Variants in C6 observed in about 807,000 individuals in gnomAD.
C6 encodes the protein complement C6.
Under a neutral mutation model 112.9 loss-of-function variants are expected in C6, and 101 were observed. The observed-to-expected ratio is 0.89, with a 90% CI of 0.76 to 1.06. The LOEUF (loss-of-function observed/expected upper bound fraction) is 1.06. C6 is among the 50% of genes least tolerant of loss of function. C6 has a pLI of 0.00. For missense variants in C6, 1,202 were observed against 1,104.6 expected, an observed-to-expected ratio of 1.09 and a Z score of -1.25; for synonymous variants, 431 against 384.1, an observed-to-expected ratio of 1.12 and a Z score of -1.43.
At chr5:41,255,131 G>A (rs933925926) in intron 1 of C6, among the ~76,000 whole-genome samples, 1 of 152,110 alleles carries the variant, frequency 6.6e-6, no homozygotes, top group Non-Finnish European at 1.5e-5. Flanking sequence ...GGAGGCCAAG[G>A]TGGGCAGATC....
intron 17 of C6, among the ~76,000 whole-genome samples, chr5:41,145,564 C>T (rs1027933323): frequency 6.6e-5 from 10 of 152,126 alleles, no homozygotes; most frequent in African/African-American, 2.2e-4. Flanking sequence ...AGGCAGACAT[C>T]GATTCTTTCC....
At chr5:41,204,177 T>C (rs1364501036) in intron 1 of C6, among the ~76,000 whole-genome samples, 2 of 152,248 alleles carry the variant, frequency 1.3e-5, no homozygotes, top group East Asian at 1.9e-4. Context: ...TAACTTTTAC[T>C]TTAAAAAGTT....
intron 1 of C6, among the ~76,000 whole-genome samples, chr5:41,248,870 C>A (rs1741175080): frequency 6.6e-6 from 1 of 152,056 alleles, no homozygotes; most frequent in Admixed American, 6.6e-5. Context: ...CATGTACTCA[C>A]ATGTTTGTTG....
chr5:41,257,063 T>C (rs1007061650), intron 1 of C6, among the ~76,000 whole-genome samples: 4 of 152,202 alleles, frequency 2.6e-5, no homozygotes, highest in African/African-American at 4.8e-5. Flanking sequence ...AGTGATTACA[T>C]GTTCAGGTTT....
rs7447835 is a variant in C6, at chr5:41,204,664, T to C, written c.-20-1414A>G. ...CTTGTTAATAAATCAGTAAGCTTTT[T>C]TTTTTCTTTTTTTTTTTTTTTTTGA... On this transcript the variant is annotated intron_variant, in intron 1 of 17. Coordinates refer to ENST00000337836, the MANE Select transcript of C6 (RefSeq NM_000065.5). Among the ~76,000 whole-genome samples the C allele has an allele frequency of 3.4e-3, 508 of 148,240 alleles. 1 individual carries two copies. The highest frequency in any genetic ancestry group is 0.012 in the African/African-American group (454 of 39,172).
At chr5:41,161,169 T>A (rs1322909922) in intron 10 of C6, among the ~76,000 whole-genome samples, 1 of 152,146 alleles carries the variant, frequency 6.6e-6, no homozygotes, top group African/African-American at 2.4e-5. Context: ...GGAAAACAGG[T>A]TCTAAATGGC....
chr5:41,198,546 C>T (rs1750779357), intron 4 of C6, among the ~76,000 whole-genome samples: 1 of 152,090 alleles, frequency 6.6e-6, no homozygotes, highest in Admixed American at 6.5e-5. Flanking sequence ...GCTTAACAAC[C>T]ATTACAGACA....
At chr5:41,226,794 G>T (rs1739537679) in intron 1 of C6, among the ~76,000 whole-genome samples, 1 of 151,916 alleles carries the variant, frequency 6.6e-6, no homozygotes, top group Admixed American at 6.6e-5. Flanking sequence ...ATTTCCTCAT[G>T]TTTTAAGGCT....
At chr5:41,226,088 C>A (rs1256860973) in intron 1 of C6, among the ~76,000 whole-genome samples, 2 of 152,048 alleles carry the variant, frequency 1.3e-5, no homozygotes, top group Admixed American at 6.6e-5. Flanking sequence ...CAACAAAAGC[C>A]AAAATTGACA....
At chr5:41,203,569 CA>C in intron 1 of C6, 31 of 302,904 alleles carry the variant, frequency 1.0e-4, no homozygotes, top group Admixed American at 2.2e-4. Context: ...TAGATTTATA[CA>C]GTCTTACCCT....
chr5:41,230,219 A>G (rs1238695063), intron 1 of C6, among the ~76,000 whole-genome samples: 1 of 152,162 alleles, frequency 6.6e-6, no homozygotes, highest in Non-Finnish European at 1.5e-5. Flanking sequence ...AAAGAACAGC[A>G]TAACAGGGAA....
At chr5:41,252,072 T>C (rs747362013) in intron 1 of C6, among the ~76,000 whole-genome samples, 5 of 152,218 alleles carry the variant, frequency 3.3e-5, no homozygotes, top group Admixed American at 6.5e-5. Context: ...TTTGTTAAGG[T>C]AATATGCAAA....
At chr5:41,177,637 T>C (rs1748966112) in intron 7 of C6, among the ~76,000 whole-genome samples, 1 of 152,178 alleles carries the variant, frequency 6.6e-6, no homozygotes, top group South Asian at 2.1e-4. Flanking sequence ...GCTATAAGTA[T>C]GGCAAAAGAT....
chr5:41,178,864 C>A (rs1580123705), intron 7 of C6, among the ~76,000 whole-genome samples: 1 of 148,934 alleles, frequency 6.7e-6, no homozygotes, highest in Non-Finnish European at 1.5e-5. Flanking sequence ...ATGAAGCTAA[C>A]AATTTTTTGT....
chr5:41,154,943 T>TTGCC, intron 14 of C6, 29 bp downstream of exon 14: 1 of 1,611,682 alleles, frequency 6.2e-7, no homozygotes, highest in East Asian at 2.2e-5. Context: ...TGTAAAGTAG[T>TTGCC]CAAGCAAAAT....
chr5:41,191,019 A>G (rs2150344462), intron 5 of C6, among the ~76,000 whole-genome samples: 1 of 148,526 alleles, frequency 6.7e-6, no homozygotes, highest in South Asian at 2.1e-4. Flanking sequence ...GTAACATGTA[A>G]CACATGTAAC....
At chr5:41,248,902 A>G (rs1411304454) in intron 1 of C6, among the ~76,000 whole-genome samples, 1 of 152,204 alleles carries the variant, frequency 6.6e-6, no homozygotes, top group East Asian at 1.9e-4. Flanking sequence ...ACAATAGCAA[A>G]GATATGGAAT....
At position 41,213,435 on chromosome 5, in the gene C6, G is replaced by A; in HGVS notation, c.-80C>T. ...GCTGCAAATTATTGGGGAAAAAATAGGTATGCAGAATGAAGAGGGTATATA... is the reference window on the plus strand; with the variant it reads ...GCTGCAAATTATTGGGGAAAAAATAAGTATGCAGAATGAAGAGGGTATATA... On this transcript the variant is annotated 5_prime_UTR_variant, in exon 1 of 18. Coordinates refer to ENST00000337836, the MANE Select transcript of C6 (RefSeq NM_000065.5). 2.0e-6 allele frequency: 2 copies of A among 985,318 alleles called. No homozygotes were observed. The highest frequency in any genetic ancestry group is 2.4e-6 in the Non-Finnish European group (2 of 829,888). The allele number at this position is 985,318 out of a possible 1,614,324, so 61.0% of individuals were successfully genotyped here.
chr5:41,186,084 T>G lies in C6; in HGVS notation c.712A>C (p.Asn238His), dbSNP rs115613673. ...GGCTGTCATACCTCAAAGCCGACATTTTCCAGATTGGCCGGAACACGGTAT... is the reference window on the plus strand; with the variant it reads ...GGCTGTCATACCTCAAAGCCGACATGTTCCAGATTGGCCGGAACACGGTAT... The part of the protein sequence containing the change: ...NPYRVPANLE[N>H]VGFEVQTAED... Residue 238 changes from asparagine to histidine, a missense_variant, in exon 6 of 18, where the codon AAT becomes CAT. Asn to His is a moderately conservative substitution (Grantham distance 68). Coordinates refer to ENST00000337836, the MANE Select transcript of C6 (RefSeq NM_000065.5). 3,020 of 1,614,000 alleles carry G rather than the reference T, an allele frequency of 1.9e-3. No homozygotes were observed. The highest frequency in any genetic ancestry group is 2.1e-3 in the Non-Finnish European group (2,422 of 1,179,924).
Sources: allele counts gnomAD v4.1 joint callset (sites outside exome capture counted in the v4.1 genomes callset), GRCh38; gene constraint gnomAD v4.1.1; transcripts MANE v1.5; gene names NCBI Gene and HGNC (gene_info 2026-07-23, HGNC 2026-07-21).